Variants in RBFOX1 observed in about 807,000 individuals in gnomAD.
The protein encoded by RBFOX1 is RNA binding fox-1 homolog 1, also known as RNA binding protein fox-1 homolog 1.
In RBFOX1, 8 loss-of-function variants were observed where a neutral mutation model predicts 57.7. That is an observed-to-expected ratio of 0.14 (90% CI 0.08 to 0.25). The LOEUF (loss-of-function observed/expected upper bound fraction) is 0.25, where lower values mean the gene tolerates loss of function less well. Among genes scored for constraint, RBFOX1 ranks in the 10% least tolerant of loss-of-function variants. The pLI, the probability that RBFOX1 is intolerant of heterozygous loss-of-function variation, is 1.00. For missense variants in RBFOX1, 611 were observed against 548.5 expected (o/e 1.11, Z -1.14); for synonymous variants, 326 against 222.4 (o/e 1.47, Z -4.15).
chr16:5,445,853 C>T (rs2068224544), intron 1 of RBFOX1, among the ~76,000 whole-genome samples: 1 of 152,212 alleles, frequency 6.6e-6, no homozygotes, highest in Admixed American at 6.5e-5. Flanking sequence ...GTTCTGTCGT[C>T]TGCAAAATAA....
chr16:5,405,809 C>A (rs953238297), intron 1 of RBFOX1, among the ~76,000 whole-genome samples: 1 of 152,198 alleles, frequency 6.6e-6, no homozygotes, highest in East Asian at 1.9e-4. Flanking sequence ...GGGGCATCTG[C>A]TTGGGCTCCC....
intron 2 of RBFOX1, among the ~76,000 whole-genome samples, chr16:5,568,665 A>G (rs1459960209): frequency 1.3e-5 from 2 of 152,080 alleles, no homozygotes; most frequent in Non-Finnish European, 2.9e-5. Flanking sequence ...TTCCTTGTCC[A>G]CCTATGCCAG....
At chr16:5,718,180 G>A (rs181376991) in intron 3 of RBFOX1, among the ~76,000 whole-genome samples, 86 of 152,348 alleles carry the variant, frequency 5.6e-4, no homozygotes, top group Non-Finnish European at 9.7e-4. Flanking sequence ...AATAGCTGCT[G>A]TTCTTTAAGC....
intron 2 of RBFOX1, among the ~76,000 whole-genome samples, chr16:6,490,808 A>G (rs931161493): frequency 3.9e-5 from 6 of 152,228 alleles, no homozygotes; most frequent in African/African-American, 7.2e-5. Context: ...TTCAGGCCCA[A>G]TAAACTCACG....
At chr16:6,086,793 A>G (rs929968639) in intron 1 of RBFOX1, among the ~76,000 whole-genome samples, 2 of 152,218 alleles carry the variant, frequency 1.3e-5, no homozygotes, top group African/African-American at 4.8e-5. Flanking sequence ...GCTAAACTGA[A>G]TCATGCTCAA....
intron 4 of RBFOX1, among the ~76,000 whole-genome samples, chr16:7,457,886 C>T (rs2058832658): frequency 1.3e-5 from 2 of 152,122 alleles, no homozygotes; most frequent in Admixed American, 1.3e-4. Context: ...CTCCCCAATA[C>T]TCTAATGTCC....
At chr16:7,148,576 T>C (rs1236189650) in intron 4 of RBFOX1, among the ~76,000 whole-genome samples, 1 of 152,244 alleles carries the variant, frequency 6.6e-6, no homozygotes. Flanking sequence ...TGATCGAGAA[T>C]GGAGATTTTC....
chr16:5,666,452 C>G lies in RBFOX1; in HGVS notation c.318+67491C>G, dbSNP rs538644655. Among the ~76,000 whole-genome samples the G allele has an allele frequency of 5.3e-5, 8 of 152,254 alleles. No homozygotes were observed. The South Asian group carries it at 1.7e-3, about 32-fold the overall frequency. The stretch of plus-strand genomic sequence containing the variant: ...AATTCCATTGAATTCACTTTGTTCC[C>G]TGGATCTCTCAGACATTATCCTAGA... On this transcript the variant is annotated intron_variant, in intron 3 of 19. Coordinates refer to the RBFOX1 transcript ENST00000641259.
chr16:6,328,785 A>T (rs1011065003), intron 2 of RBFOX1, among the ~76,000 whole-genome samples: 1 of 152,162 alleles, frequency 6.6e-6, no homozygotes, highest in Non-Finnish European at 1.5e-5. Context: ...CTTTTACTAT[A>T]GAGAATGGGA....
chr16:6,543,511 T>C lies in RBFOX1; in HGVS notation c.-63-111092T>C, dbSNP rs537239446. Among the ~76,000 whole-genome samples, 38 of 152,320 alleles carry C rather than the reference T, an allele frequency of 2.5e-4. 1 individual carries two copies. In the South Asian group the frequency reaches 7.3e-3, roughly 29 times the overall value. On this transcript the variant is annotated intron_variant, in intron 2 of 15. Transcript: ENST00000550418. Reference sequence around the variant, plus strand: ...ACCCACTTGTTCCCTCTCTGAGATCTTTCCGCCTGCATTTTGGGCTTTGCG... The same window carrying C: ...ACCCACTTGTTCCCTCTCTGAGATCCTTCCGCCTGCATTTTGGGCTTTGCG...
chr16:7,315,534 A>C (rs2142932752), intron 4 of RBFOX1, among the ~76,000 whole-genome samples: 1 of 151,322 alleles, frequency 6.6e-6, no homozygotes, highest in Non-Finnish European at 1.5e-5. Context: ...ATTAACATTT[A>C]TGCTTATAAA....
chr16:5,761,738 A>C (rs2053601027), intron 3 of RBFOX1, among the ~76,000 whole-genome samples: 1 of 152,216 alleles, frequency 6.6e-6, no homozygotes. Context: ...GGGTGGGGAC[A>C]CAGCAAACTC....
chr16:6,940,833 C>T (rs1186017923), intron 3 of RBFOX1, among the ~76,000 whole-genome samples: 1 of 130,064 alleles, frequency 7.7e-6, no homozygotes. Context: ...CAGGCGCCTG[C>T]CACCATGTCC....
chr16:5,457,868 C>T (rs2068677356), intron 1 of RBFOX1, among the ~76,000 whole-genome samples: 1 of 152,132 alleles, frequency 6.6e-6, no homozygotes, highest in Non-Finnish European at 1.5e-5. Flanking sequence ...CAGATTTTAG[C>T]CTTGTGCCCT....
At chr16:5,583,179 A>G (rs564158856) in intron 2 of RBFOX1, among the ~76,000 whole-genome samples, 12 of 152,302 alleles carry the variant, frequency 7.9e-5, no homozygotes, top group African/African-American at 2.9e-4. Context: ...TGCCATGCGC[A>G]GCAAAAGCCA....
At chr16:6,506,923 C>A (rs1598453090) in intron 2 of RBFOX1, among the ~76,000 whole-genome samples, 1 of 152,164 alleles carries the variant, frequency 6.6e-6, no homozygotes, top group South Asian at 2.1e-4. Context: ...GCTGGGGTTA[C>A]AGTCATGAGC....
intron 4 of RBFOX1, among the ~76,000 whole-genome samples, chr16:5,900,528 A>G (rs2152179313): frequency 6.6e-6 from 1 of 152,270 alleles, no homozygotes. Flanking sequence ...GTAGAAATCC[A>G]CCAGGAGACC....
At chr16:6,942,494 C>T (rs2078724254) in intron 3 of RBFOX1, among the ~76,000 whole-genome samples, 1 of 152,148 alleles carries the variant, frequency 6.6e-6, no homozygotes, top group Non-Finnish European at 1.5e-5. Context: ...ACATCTCCAT[C>T]TCCTGGGAGA....
At chr16:5,622,045 C>T (rs562163922) in intron 3 of RBFOX1, among the ~76,000 whole-genome samples, 1 of 152,190 alleles carries the variant, frequency 6.6e-6, no homozygotes, top group Non-Finnish European at 1.5e-5. Flanking sequence ...TCTGGGTTAT[C>T]TGAAACTTTG....
Sources: gnomAD v4.1 joint callset for allele counts (sites outside exome capture counted in the v4.1 genomes callset) on GRCh38, gnomAD v4.1.1 for gene constraint, MANE v1.5 for transcripts, NCBI Gene and HGNC (gene_info 2026-07-23, HGNC 2026-07-21) for gene names.